SDHAF3: variants seen among roughly 807,000 people sequenced by gnomAD.
The protein encoded by SDHAF3 is succinate dehydrogenase assembly factor 3, mitochondrial.
SDHAF3 carries 18 observed loss-of-function variants against 11.5 expected under a neutral mutation model. That is an observed-to-expected ratio of 1.56 (90% CI 1.08 to 2.32). SDHAF3 has a LOEUF of 2.32. Among genes scored for constraint, SDHAF3 ranks in the 30% most tolerant of loss-of-function variants. SDHAF3 has a pLI of 0.00. For synonymous variants in SDHAF3, 72 were observed against 59.3 expected, an observed-to-expected ratio of 1.21 and a Z score of -0.99; for missense variants, 200 against 154.4, an observed-to-expected ratio of 1.30 and a Z score of -1.57.
At chr7:97,177,495 C>A (rs1584236860) in intron 1 of SDHAF3, among the ~76,000 whole-genome samples, 1 of 151,832 alleles carries the variant, frequency 6.6e-6, no homozygotes, top group Middle Eastern at 3.4e-3. Context: ...GAGCGAGACT[C>A]CGTCTCAAAA....
At chr7:97,133,898 G>C (rs1791707417) in intron 1 of SDHAF3, among the ~76,000 whole-genome samples, 1 of 152,064 alleles carries the variant, frequency 6.6e-6, no homozygotes, top group South Asian at 2.1e-4. Flanking sequence ...TCCTTTAAAA[G>C]ACATTTCATT....
intron 1 of SDHAF3, among the ~76,000 whole-genome samples, chr7:97,152,538 A>G (rs1403987463): frequency 6.6e-6 from 1 of 152,212 alleles, no homozygotes; most frequent in Non-Finnish European, 1.5e-5. Context: ...TATGTCAAAC[A>G]TCAGTCTTAG....
chr7:97,125,017 C>T (rs559980782), intron 1 of SDHAF3, among the ~76,000 whole-genome samples: 178 of 152,246 alleles, frequency 1.2e-3, no homozygotes, highest in African/African-American at 4.1e-3. Context: ...GCCAGAACTT[C>T]CAATACTACG....
chr7:97,168,785 A>C (rs980329867), intron 1 of SDHAF3, among the ~76,000 whole-genome samples: 8 of 152,060 alleles, frequency 5.3e-5, no homozygotes, highest in Non-Finnish European at 1.2e-4. Context: ...TACTTAACTA[A>C]TTTTTGTTCC....
chr7:97,129,720 C>T (rs534900909), intron 1 of SDHAF3, among the ~76,000 whole-genome samples: 2 of 152,312 alleles, frequency 1.3e-5, no homozygotes, highest in East Asian at 1.9e-4. Context: ...GCCCAGGCCT[C>T]ACTTAGTTCT....
chr7:97,129,493 A>G (rs1352931064), intron 1 of SDHAF3, among the ~76,000 whole-genome samples: 1 of 152,134 alleles, frequency 6.6e-6, no homozygotes, highest in African/African-American at 2.4e-5. Context: ...CCTTTTAAAA[A>G]TTGCTTTACT....
chr7:97,169,775 TTA>T (rs1161468375), intron 1 of SDHAF3, among the ~76,000 whole-genome samples: 2 of 152,136 alleles, frequency 1.3e-5, no homozygotes, highest in African/African-American at 4.8e-5. Context: ...TTTGAACTCT[TTA>T]TGTTTTTAAT....
At chr7:97,144,346 G>C (rs1789104219) in intron 1 of SDHAF3, among the ~76,000 whole-genome samples, 1 of 152,082 alleles carries the variant, frequency 6.6e-6, no homozygotes, top group South Asian at 2.1e-4. Flanking sequence ...ATTTATCTTT[G>C]TTTTTATTGC....
chr7:97,153,953 C>T (rs1481960432), intron 1 of SDHAF3, among the ~76,000 whole-genome samples: 68 of 152,180 alleles, frequency 4.5e-4, no homozygotes, highest in Non-Finnish European at 2.9e-5. Flanking sequence ...GAAGAGACCA[C>T]CAAACAGGCT....
intron 1 of SDHAF3, among the ~76,000 whole-genome samples, chr7:97,160,418 G>A (rs1341452838): frequency 3.3e-5 from 5 of 152,068 alleles, no homozygotes; most frequent in South Asian, 2.1e-4. Context: ...AGCGACCATC[G>A]AGAACGGGCC....
chr7:97,136,363 C>A, intron 1 of SDHAF3: 1 of 594,304 alleles, frequency 1.7e-6, no homozygotes, highest in Non-Finnish European at 3.1e-6. Context: ...CCTGTATTTG[C>A]ATAAATCAAA....
chr7:97,140,647 G>A (rs756798271), intron 1 of SDHAF3, among the ~76,000 whole-genome samples: 17 of 152,126 alleles, frequency 1.1e-4, no homozygotes, highest in Non-Finnish European at 2.4e-4. Context: ...CATAAATTGT[G>A]AAGATTTCAT....
intron 1 of SDHAF3, among the ~76,000 whole-genome samples, chr7:97,143,551 A>G (rs1381721401): frequency 6.6e-6 from 1 of 152,082 alleles, no homozygotes; most frequent in East Asian, 1.9e-4. Flanking sequence ...GAGAACATAC[A>G]ATATTTGTTT....
At chr7:97,152,944 A>G (rs541102781) in intron 1 of SDHAF3, among the ~76,000 whole-genome samples, 1 of 152,368 alleles carries the variant, frequency 6.6e-6, no homozygotes, top group Admixed American at 6.5e-5. Flanking sequence ...GATTACAGGC[A>G]TGAACCACTG....
chr7:97,160,257 C>T lies in SDHAF3; in HGVS notation c.175-20755C>T, dbSNP rs76502476. Among the ~76,000 whole-genome samples the T allele has an allele frequency of 0.014, 1,923 of 140,630 alleles. 32 individuals carry two copies. The East Asian group carries it at 0.14, about 10-fold the overall frequency. The allele number at this position is 140,630 out of a possible 152,430, so 92.3% of individuals were successfully genotyped here. A position where few individuals can be genotyped will look rare whatever the true frequency, so the allele number is the denominator to read the frequency against. Reference sequence around the variant, plus strand: ...GAAGTGAGGAGCGCCCCTGCCCGGCCGCCCTGTCTGGGAAGTGAGGAGCGC... The same window carrying T: ...GAAGTGAGGAGCGCCCCTGCCCGGCTGCCCTGTCTGGGAAGTGAGGAGCGC... On this transcript the variant is annotated intron_variant, in intron 1 of 1. Coordinates refer to ENST00000432641, the MANE Select transcript of SDHAF3 (RefSeq NM_020186.3).
chr7:97,173,887 T>C (rs1789642027), intron 1 of SDHAF3, among the ~76,000 whole-genome samples: 2 of 151,576 alleles, frequency 1.3e-5, no homozygotes, highest in African/African-American at 4.9e-5. Flanking sequence ...CAGTCAGTTT[T>C]TAAAGTTTCC....
At chr7:97,140,028 G>A (rs1026710361) in intron 1 of SDHAF3, among the ~76,000 whole-genome samples, 6 of 151,962 alleles carry the variant, frequency 3.9e-5, no homozygotes, top group African/African-American at 1.2e-4. Context: ...TCTCTTTAAC[G>A]TGACATTAAA....
intron 1 of SDHAF3, among the ~76,000 whole-genome samples, chr7:97,166,876 T>A (rs1789513870): frequency 6.6e-6 from 1 of 152,330 alleles, no homozygotes; most frequent in Non-Finnish European, 1.5e-5. Context: ...CTAAAAGTTA[T>A]TAATTCAGCA....
intron 1 of SDHAF3, among the ~76,000 whole-genome samples, chr7:97,171,409 T>G (rs1789600215): frequency 6.6e-6 from 1 of 152,152 alleles, no homozygotes; most frequent in Admixed American, 6.5e-5. Context: ...GTAGCACAAT[T>G]TATGCCTATT....
Sources: gnomAD v4.1 joint callset for allele counts (sites outside exome capture counted in the v4.1 genomes callset) on GRCh38, gnomAD v4.1.1 for gene constraint, MANE v1.5 for transcripts, NCBI Gene and HGNC (gene_info 2026-07-23, HGNC 2026-07-21) for gene names.